NCMAP: variants seen among roughly 807,000 people sequenced by gnomAD.
NCMAP encodes non-compact myelin associated protein.
NCMAP carries 8 observed loss-of-function variants against 7.8 expected under a neutral mutation model. The observed-to-expected ratio is 1.02, with a 90% CI of 0.60 to 1.84. The LOEUF is 1.84. Ranked by LOEUF, NCMAP falls within the 40% of genes most tolerant of loss-of-function variation. The pLI, the probability that NCMAP is intolerant of heterozygous loss-of-function variation, is 0.00. For synonymous variants in NCMAP, 41 were observed against 52.9 expected (o/e 0.78, Z 0.98); for missense variants, 112 against 131.4 (o/e 0.85, Z 0.72).
At chr1:24,573,577 G>C (rs1050885425) in intron 1 of NCMAP, among the ~76,000 whole-genome samples, 1 of 149,428 alleles carries the variant, frequency 6.7e-6, no homozygotes, top group African/African-American at 2.6e-5. Flanking sequence ...GACATAGCAA[G>C]ACTCTGTCCC....
chr1:24,564,574 C>T lies in NCMAP; in HGVS notation c.-8+8405C>T, dbSNP rs1212150171. 2.8e-5 allele frequency among the ~76,000 whole-genome samples: 4 copies of T among 142,160 alleles called. No individual in the cohort carries two copies. The South Asian group carries it at 9.1e-4, about 32-fold the overall frequency. 93.3% of individuals were successfully genotyped at this position (142,160 alleles called of 152,430 possible). A position where few individuals can be genotyped will look rare whatever the true frequency, so the allele number is the denominator to read the frequency against. On this transcript the variant is annotated intron_variant, in intron 1 of 3. Transcript: ENST00000374392. ...AGAGATGGAGAGTATACGTATGATT[C>T]CCAAAAGGAAAGAAAAATAAAAGTG... is the stretch of plus-strand genomic sequence containing the variant.
chr1:24,597,580 C>T (rs1274087671), intron 2 of NCMAP, among the ~76,000 whole-genome samples: 2 of 33,298 alleles, frequency 6.0e-5, no homozygotes, highest in African/African-American at 1.0e-4. Flanking sequence ...CCTGTAAAAA[C>T]AAAAGAGAAG....
intron 2 of NCMAP, among the ~76,000 whole-genome samples, chr1:24,597,218 G>A (rs61776504): frequency 6.6e-6 from 1 of 151,902 alleles, no homozygotes; most frequent in Non-Finnish European, 1.5e-5. Context: ...GAAAGTAGTG[G>A]TTCTTGGCCG....
At chr1:24,563,333 C>A (rs12074173) in intron 1 of NCMAP, among the ~76,000 whole-genome samples, 18,396 of 151,128 alleles carry the variant, frequency 0.12, 1,595 homozygotes, top group African/African-American at 0.25. Flanking sequence ...ACCAGCCTGA[C>A]CAACGTGGAG....
At chr1:24,557,898 T>G (rs1650951840) in intron 1 of NCMAP, among the ~76,000 whole-genome samples, 1 of 152,150 alleles carries the variant, frequency 6.6e-6, no homozygotes. Flanking sequence ...TGTGGGAATC[T>G]AGTGTAGTGG....
chr1:24,600,834 C>T, intron 2 of NCMAP, 106 bp from the exon 3 acceptor site: 1 of 935,386 alleles, frequency 1.1e-6, no homozygotes, highest in Admixed American at 1.7e-5. Flanking sequence ...TGCCTTCTCT[C>T]CTGCCTCCCT....
intron 1 of NCMAP, among the ~76,000 whole-genome samples, chr1:24,581,569 G>A (rs1651746070): frequency 6.6e-6 from 1 of 152,220 alleles, no homozygotes; most frequent in African/African-American, 2.4e-5. Flanking sequence ...TTACTGCACG[G>A]ACTGAGAGTC....
intron 1 of NCMAP, among the ~76,000 whole-genome samples, chr1:24,580,227 A>G (rs1110257): frequency 0.42 from 63,350 of 151,914 alleles, 13,511 homozygotes; most frequent in African/African-American, 0.49. Flanking sequence ...TGCAACGGAG[A>G]CACTACATTC....
chr1:24,577,420 T>TTTTTG (rs1557596589), intron 1 of NCMAP, among the ~76,000 whole-genome samples: 7 of 143,750 alleles, frequency 4.9e-5, no homozygotes, highest in East Asian at 2.2e-4. Context: ...TTTTTTTTTT[T>TTTTTG]TTTTTTTTTT....
In NCMAP at chr1:24,605,664, GC is replaced by G; in HGVS notation, c.228del (p.Val77TrpfsTer14). The stretch of plus-strand genomic sequence containing the variant: ...GGGCCCCAAGCCAACCGCCCCTTCT[GC>G]CGTGGGCCCAAACAGCAACGGCAGC... ...PKGPKPTAPS[A>X]VGPNSNGSQH... On this transcript the variant is annotated frameshift_variant, in exon 4 of 4. Transcript: ENST00000374392. LOFTEE classifies it high-confidence loss of function. 1 of 1,614,204 alleles carries G rather than the reference GC, an allele frequency of 6.2e-7. No individual in the cohort carries two copies. Among genetic ancestry groups the G allele is most frequent in the South Asian group, 1.1e-5 (1 of 91,084 alleles).
intron 2 of NCMAP, among the ~76,000 whole-genome samples, chr1:24,596,422 C>T (rs1478347289): frequency 6.6e-6 from 1 of 152,174 alleles, no homozygotes; most frequent in Non-Finnish European, 1.5e-5. Context: ...GTGGCTCATG[C>T]CTGTAATCCC....
intron 1 of NCMAP, among the ~76,000 whole-genome samples, chr1:24,561,326 G>A (rs1651043876): frequency 1.3e-5 from 2 of 152,054 alleles, no homozygotes; most frequent in African/African-American, 4.8e-5. Context: ...CAGCCTGGGT[G>A]ACAAGAGTGA....
chr1:24,597,274 AGTGG>A (rs1176097574), intron 2 of NCMAP, among the ~76,000 whole-genome samples: 1 of 151,810 alleles, frequency 6.6e-6, no homozygotes, highest in Non-Finnish European at 1.5e-5. Context: ...GGGAGGCCAA[AGTGG>A]GTGGATTACC....
chr1:24,568,664 A>C (rs745734406), intron 1 of NCMAP, among the ~76,000 whole-genome samples: 2 of 152,184 alleles, frequency 1.3e-5, no homozygotes, highest in Non-Finnish European at 2.9e-5. Context: ...AGGCACAGAG[A>C]GGTTAAGTAA....
chr1:24,572,817 G>A (rs571376436), intron 1 of NCMAP, among the ~76,000 whole-genome samples: 115 of 150,854 alleles, frequency 7.6e-4, no homozygotes, highest in Middle Eastern at 3.4e-3. Flanking sequence ...GTCAAGGAGC[G>A]GGCAGGATGG....
chr1:24,576,948 C>T lies in NCMAP; in HGVS notation c.-7-18476C>T, dbSNP rs1229635641. On this transcript the variant is annotated intron_variant, in intron 1 of 3. Transcript: ENST00000374392. This position sits in a 1 kb window ranked among gnomAD's most constrained non-coding sequence, Gnocchi z 4.0. ...TTCAAGACCAGCCTGGCTAACATGA[C>T]GAAATCCTGTCTCTACTAAAAGCAC... Among the ~76,000 whole-genome samples the T allele has an allele frequency of 4.0e-5, 6 of 151,852 alleles. No individual in the cohort carries two copies. Among genetic ancestry groups the T allele is most frequent in the Non-Finnish European group, 5.9e-5 (4 of 67,964 alleles).
intron 1 of NCMAP, among the ~76,000 whole-genome samples, chr1:24,580,121 C>T (rs745465413): frequency 1.3e-5 from 2 of 152,176 alleles, no homozygotes; most frequent in African/African-American, 2.4e-5. Flanking sequence ...CCACAGCCTG[C>T]GGCAGCACTG....
chr1:24,586,492 G>A (rs1402163146), intron 1 of NCMAP, among the ~76,000 whole-genome samples: 4 of 152,198 alleles, frequency 2.6e-5, no homozygotes, highest in African/African-American at 4.8e-5. Flanking sequence ...GCTGGGCACG[G>A]TGGCTCACGC....
intron 2 of NCMAP, among the ~76,000 whole-genome samples, chr1:24,599,715 T>C (rs1362067034): frequency 6.0e-5 from 9 of 150,574 alleles, no homozygotes; most frequent in Non-Finnish European, 1.2e-4. Context: ...GTAGCTGGGA[T>C]TACAGGCACA....
Sources: gnomAD v4.1 joint callset for allele counts (sites outside exome capture counted in the v4.1 genomes callset) on GRCh38, gnomAD v4.1.1 for gene constraint, Gnocchi (gnomAD v3.1) non-coding constraint, MANE v1.5 for transcripts, NCBI Gene and HGNC (gene_info 2026-07-23, HGNC 2026-07-21) for gene names.